Variants in GRAMD1B observed in about 807,000 individuals in gnomAD.
The protein encoded by GRAMD1B is GRAM domain containing 1B.
GRAMD1B carries 37 observed loss-of-function variants against 99.7 expected under a neutral mutation model. That is an observed-to-expected ratio of 0.37 (90% CI 0.29 to 0.49). The LOEUF (loss-of-function observed/expected upper bound fraction) is 0.49. Ranked by LOEUF, GRAMD1B falls within the 20% of genes least tolerant of loss-of-function variation. GRAMD1B has a pLI of 0.98. For missense variants in GRAMD1B, 888 were observed against 1,009.2 expected (o/e 0.88, Z 1.63); for synonymous variants, 427 against 387.6 (o/e 1.10, Z -1.19).
At chr11:123,416,459 C>T (rs932872244) in intron 1 of GRAMD1B, among the ~76,000 whole-genome samples, 1 of 152,032 alleles carries the variant, frequency 6.6e-6, no homozygotes, top group Non-Finnish European at 1.5e-5. Flanking sequence ...ATAATTATAC[C>T]AATTGTTACC....
intron 16 of GRAMD1B, among the ~76,000 whole-genome samples, chr11:123,613,928 C>T (rs988658802): frequency 2.0e-5 from 3 of 152,116 alleles, no homozygotes; most frequent in Admixed American, 6.5e-5. Flanking sequence ...CCATGGCTAC[C>T]TGCATAGGCT....
chr11:123,361,578 C>G (rs1946147604), intron 1 of GRAMD1B, among the ~76,000 whole-genome samples: 1 of 152,220 alleles, frequency 6.6e-6, no homozygotes, highest in African/African-American at 2.4e-5. Context: ...AAACACATTT[C>G]TTTTCCTGTC....
chr11:123,439,441 A>G (rs929584099), intron 1 of GRAMD1B, among the ~76,000 whole-genome samples: 1 of 152,132 alleles, frequency 6.6e-6, no homozygotes. Context: ...CGATTCAGAT[A>G]TTGTCATATA....
At chr11:123,532,837 G>A (rs1943539459) in intron 2 of GRAMD1B, among the ~76,000 whole-genome samples, 1 of 152,208 alleles carries the variant, frequency 6.6e-6, no homozygotes. Flanking sequence ...TCACGTTCAT[G>A]CTACAACAGC....
intron 1 of GRAMD1B, among the ~76,000 whole-genome samples, chr11:123,401,913 A>AC (rs1947676266): frequency 6.6e-6 from 1 of 152,112 alleles, no homozygotes; most frequent in Non-Finnish European, 1.5e-5. Context: ...GTCTTAAAAA[A>AC]AAGAAAAGAA....
intron 2 of GRAMD1B, chr11:123,525,821 G>C (rs1458815208): frequency 2.7e-6 from 1 of 376,620 alleles, no homozygotes; most frequent in Admixed American, 4.0e-5. Context: ...CTTGTTTCGC[G>C]CAGCCTTGCC....
intron 1 of GRAMD1B, among the ~76,000 whole-genome samples, chr11:123,448,515 A>G (rs1286440318): frequency 1.3e-5 from 2 of 152,202 alleles, no homozygotes; most frequent in African/African-American, 2.4e-5. Context: ...CAGCATGCCC[A>G]GCCTCCACTT....
intron 1 of GRAMD1B, among the ~76,000 whole-genome samples, chr11:123,440,159 T>C (rs1818826575): frequency 6.6e-6 from 1 of 152,234 alleles, no homozygotes; most frequent in African/African-American, 2.4e-5. Flanking sequence ...GGAATCATTT[T>C]AAAAAATGTA....
intron 1 of GRAMD1B, chr11:123,460,054 G>A (rs7104456): frequency 0.14 from 21,801 of 151,862 alleles, 1,888 homozygotes; most frequent in East Asian, 0.37. Flanking sequence ...TAGGCCAGGA[G>A]TGTGATTGGA....
At chr11:123,381,940 T>A (rs1258750220) in intron 1 of GRAMD1B, among the ~76,000 whole-genome samples, 2 of 152,174 alleles carry the variant, frequency 1.3e-5, no homozygotes, top group Non-Finnish European at 2.9e-5. Flanking sequence ...CCTACTGCTC[T>A]GTTTACCCAC....
intron 1 of GRAMD1B, among the ~76,000 whole-genome samples, chr11:123,398,779 A>G (rs1457291220): frequency 6.6e-6 from 1 of 152,180 alleles, no homozygotes; most frequent in African/African-American, 2.4e-5. Flanking sequence ...TATGCTTGAC[A>G]TACAAAAAGC....
chr11:123,412,961 T>G (rs542059901), intron 1 of GRAMD1B, among the ~76,000 whole-genome samples: 1 of 152,248 alleles, frequency 6.6e-6, no homozygotes, highest in South Asian at 2.1e-4. Context: ...TTTGTATTTT[T>G]AGTAGCGATG....
Position 123,591,538 on chromosome 11 carries a change from A to G in GRAMD1B, c.685-2544A>G, listed in dbSNP as rs545128119. 220 of 398,892 alleles carry G rather than the reference A, an allele frequency of 5.5e-4. No individual in the cohort carries two copies. The highest frequency in any genetic ancestry group is 4.0e-3 in the African/African-American group (197 of 48,728). The allele number at this position is 398,892 out of a possible 1,614,324, so 24.7% of individuals were successfully genotyped here. On this transcript the variant is annotated intron_variant, in intron 4 of 19. Coordinates refer to ENST00000635736, the MANE Select transcript of GRAMD1B (RefSeq NM_001387025.1). The surrounding 1 kb of genome is among the most constrained non-coding windows in gnomAD (Gnocchi z 4.7). ...GCTGGCACGGATCTGAGGAAATCCC[A>G]GCCGTGAGTGTGTGACTCAGTTTCT...
chr11:123,511,846 G>C (rs758324612), intron 2 of GRAMD1B, among the ~76,000 whole-genome samples: 2 of 152,190 alleles, frequency 1.3e-5, no homozygotes, highest in African/African-American at 2.4e-5. Context: ...ATAGAACTTG[G>C]TTTTCTGCTC....
chr11:123,522,842 T>A (rs1255783778), intron 2 of GRAMD1B, among the ~76,000 whole-genome samples: 3 of 152,216 alleles, frequency 2.0e-5, no homozygotes, highest in Non-Finnish European at 1.5e-5. Flanking sequence ...CTTGATTTAG[T>A]CTCTTTTTTA....
chr11:123,482,952 C>T (rs543237543), intron 2 of GRAMD1B, among the ~76,000 whole-genome samples: 1 of 151,486 alleles, frequency 6.6e-6, no homozygotes, highest in South Asian at 2.1e-4. Context: ...CTAGCTACTC[C>T]GGAGGCTGAG....
intron 1 of GRAMD1B, among the ~76,000 whole-genome samples, chr11:123,396,975 G>C (rs1007743897): frequency 1.3e-5 from 2 of 151,912 alleles, no homozygotes; most frequent in South Asian, 4.2e-4. Context: ...AACTTCACTG[G>C]GGTATAATTT....
chr11:123,440,866 G>A (rs1471821288), intron 1 of GRAMD1B, among the ~76,000 whole-genome samples: 5 of 152,150 alleles, frequency 3.3e-5, no homozygotes. Context: ...GAGGGACCTG[G>A]TGGGAGGTAA....
intron 2 of GRAMD1B, among the ~76,000 whole-genome samples, chr11:123,549,987 C>A (rs1457948141): frequency 1.3e-5 from 2 of 152,062 alleles, no homozygotes; most frequent in Admixed American, 1.3e-4. Flanking sequence ...GTAGGTACAC[C>A]CAGACAGGAC....
Sources: gnomAD v4.1 joint callset for allele counts (sites outside exome capture counted in the v4.1 genomes callset) on GRCh38, gnomAD v4.1.1 for gene constraint, Gnocchi (gnomAD v3.1) non-coding constraint, MANE v1.5 for transcripts, NCBI Gene and HGNC (gene_info 2026-07-23, HGNC 2026-07-21) for gene names.